TCL1B: variants seen among roughly 807,000 people sequenced by gnomAD.
The protein encoded by TCL1B is T-cell leukemia/lymphoma protein 1B.
TCL1B carries 14 observed loss-of-function variants against 16.9 expected under a neutral mutation model. The ratio of observed to expected loss-of-function variants is 0.83; its 90% CI spans 0.55 to 1.30. The LOEUF is 1.30. Among genes scored for constraint, TCL1B ranks in the 50% most tolerant of loss-of-function variants. The pLI is 0.00. For synonymous variants in TCL1B, 79 were observed against 66.6 expected (o/e 1.19, Z -0.91); for missense variants, 166 against 165.2 (o/e 1.00, Z -0.03).
At chr14:95,687,507 C>A (rs1885786935) in intron 1 of TCL1B, among the ~76,000 whole-genome samples, 1 of 152,216 alleles carries the variant, frequency 6.6e-6, no homozygotes, top group South Asian at 2.1e-4. Flanking sequence ...CACATCACTT[C>A]AAGCTCTGCT....
At position 95,691,228 on chromosome 14, in the gene TCL1B, C is replaced by T. The variant is rs185848692; in HGVS notation, c.334-40C>T. ...CGGCCGTTAAGGCCAACTGGAAGAG[C>T]ATCTCCCAGAGGTTCTGATGGCTGC... On this transcript the variant is annotated intron_variant, in intron 2 of 3. Coordinates refer to ENST00000340722, the MANE Select transcript of TCL1B (RefSeq NM_004918.4). 308 of 1,602,304 alleles carry T rather than the reference C, an allele frequency of 1.9e-4. No individual in the cohort carries two copies. The Middle Eastern group carries it at 2.4e-3, about 12-fold the overall frequency.
At chr14:95,688,324 C>G (rs1885806299) in intron 1 of TCL1B, 1 of 152,044 alleles carries the variant, frequency 6.6e-6, no homozygotes, top group African/African-American at 2.4e-5. Flanking sequence ...CAATATAACA[C>G]ATTTCCTAAA....
chr14:95,686,656 G>A, intron 1 of TCL1B, 27 bp downstream of exon 1: 1 of 1,586,302 alleles, frequency 6.3e-7, no homozygotes, highest in Non-Finnish European at 8.6e-7. Flanking sequence ...AGGGGAGGCT[G>A]TGGGGAGGGC....
At chr14:95,690,588 G>A (rs371801884) in intron 1 of TCL1B, 148 bp from the exon 2 acceptor site, 18 of 909,634 alleles carry the variant, frequency 2.0e-5, no homozygotes, top group Non-Finnish European at 2.8e-5. Flanking sequence ...CCTAGATGGA[G>A]CCACAAGTAC....
At chr14:95,691,544 A>G (rs1369862527) in intron 3 of TCL1B, 2 of 525,002 alleles carry the variant, frequency 3.8e-6, no homozygotes, top group Non-Finnish European at 6.8e-6. Context: ...AAAGCATGGG[A>G]TCTCATCGAA....
rs777673143 is a variant in TCL1B at position 95,691,337 on chromosome 14, G to A, written c.*15+1G>A. 1.2e-6 allele frequency: 2 copies of A among 1,613,092 alleles called. No individual in the cohort carries two copies. Among genetic ancestry groups the A allele is most frequent in the South Asian group, 1.1e-5 (1 of 90,818 alleles). ...GAAAGACTGACACTGGGAGTGGCTG[G>A]TATGTTGGGGCCCTGTGCGTCTCAG... On this transcript the variant is annotated splice_donor_variant, in intron 3 of 3. Transcript: ENST00000340722. LOFTEE classifies it low-confidence loss of function (3UTR_SPLICE).
chr14:95,690,735 G>A lies in TCL1B; in HGVS notation c.163-1G>A, dbSNP rs1394463979. 1.9e-6 allele frequency: 3 copies of A among 1,610,896 alleles called. No individual in the cohort carries two copies. The highest frequency in any genetic ancestry group is 1.3e-5 in the African/African-American group (1 of 74,902). The stretch of plus-strand genomic sequence containing the variant: ...TGCCGCCTCTTTTCTGGTCCCTTCA[G>A]TATGAACCCAGCATCACAGTGCACT... On this transcript the variant is annotated splice_acceptor_variant, in intron 1 of 3. Coordinates refer to ENST00000340722, the MANE Select transcript of TCL1B (RefSeq NM_004918.4). LOFTEE classifies it high-confidence loss of function.
In TCL1B at chr14:95,686,525, AG is replaced by A; in HGVS notation, c.60del (p.Arg20SerfsTer14). 6.2e-7 allele frequency: 1 copy of A among 1,613,704 alleles called. No individual in the cohort carries two copies. Among genetic ancestry groups the A allele is most frequent in the Non-Finnish European group, 8.5e-7 (1 of 1,179,816 alleles). On this transcript the variant is annotated frameshift_variant, in exon 1 of 4. Transcript: ENST00000340722. LOFTEE classifies it high-confidence loss of function. ...GVPPGRLWIQRPGIYEDEEGR... is the reference protein window; with the variant it reads ...GVPPGRLWIQXPGIYEDEEGR... ...GCCCCCTGGCCGTCTGTGGATCCAG[AG>A]GCCTGGCATCTACGAAGATGAGGAG... is the stretch of plus-strand genomic sequence containing the variant.
In TCL1B at chr14:95,689,008, C is replaced by T. The variant is rs1054077839; in HGVS notation, c.163-1728C>T. 3.9e-5 allele frequency among the ~76,000 whole-genome samples: 6 copies of T among 152,208 alleles called. No homozygotes were observed. The East Asian group carries it at 5.8e-4, about 15-fold the overall frequency. On this transcript the variant is annotated intron_variant, in intron 1 of 3. Coordinates refer to ENST00000340722, the MANE Select transcript of TCL1B (RefSeq NM_004918.4). ...AACTGTACTCTTAAAAACAGTTGGC[C>T]GGGTGCGGTGGCTCACGCCTGTAAT...
In TCL1B at chr14:95,686,539, C is replaced by A. The variant is rs1205587581; in HGVS notation, c.72C>A (p.Tyr24Ter). The change falls in exon 1 of 4, where the codon TAC becomes TAA. Residue 24 changes from tyrosine to a stop codon, truncating the protein, a stop_gained. Coordinates refer to ENST00000340722, the MANE Select transcript of TCL1B (RefSeq NM_004918.4). LOFTEE classifies it high-confidence loss of function. Reference protein sequence around the residue: ...GRLWIQRPGIYEDEEGRTWVT... With the variant: ...GRLWIQRPGI Reference sequence around the variant, plus strand: ...TGTGGATCCAGAGGCCTGGCATCTACGAAGATGAGGAGGGGAGAACCTGGG... The same window carrying A: ...TGTGGATCCAGAGGCCTGGCATCTAAGAAGATGAGGAGGGGAGAACCTGGG... 4 of 1,613,908 alleles carry A rather than the reference C, an allele frequency of 2.5e-6. No homozygotes were observed. In the South Asian group the frequency reaches 4.4e-5, roughly 18 times the overall value.
chr14:95,689,253 C>G (rs955804163), intron 1 of TCL1B: 1 of 152,114 alleles, frequency 6.6e-6, no homozygotes, highest in African/African-American at 2.4e-5. Context: ...AGCCACTGCA[C>G]TCCAGCCTGG....
intron 1 of TCL1B, among the ~76,000 whole-genome samples, chr14:95,687,530 G>A (rs1399452000): frequency 6.6e-6 from 1 of 152,144 alleles, no homozygotes; most frequent in East Asian, 1.9e-4. Context: ...TGGGAACTTT[G>A]TGGAATTTCT....
Position 95,686,443 on chromosome 14 carries a change from G to A in TCL1B, c.-25G>A, listed in dbSNP as rs1885759593. 6.4e-7 allele frequency: 1 copy of A among 1,574,078 alleles called. No individual in the cohort carries two copies. The stretch of plus-strand genomic sequence containing the variant: ...GGAAAGCTACACGTGTGAGCCTAGA[G>A]GCGGGTCCCGGTTGCAGACTTGCCA... On this transcript the variant is annotated 5_prime_UTR_variant, in exon 1 of 4. Coordinates refer to ENST00000340722, the MANE Select transcript of TCL1B (RefSeq NM_004918.4).
Position 95,691,261 on chromosome 14 carries a change from C to T in TCL1B, c.334-7C>T. 6.2e-7 allele frequency: 1 copy of T among 1,613,482 alleles called. No homozygotes were observed. The highest frequency in any genetic ancestry group is 1.7e-5 in the Admixed American group (1 of 60,000). ...AGAGGTTCTGATGGCTGCTCCCTCT[C>T]CTGCAGATTGACTCTATGGAGCAGC... is the stretch of plus-strand genomic sequence containing the variant. On this transcript the variant is annotated splice_region_variant and splice_polypyrimidine_tract_variant and intron_variant, in intron 2 of 3. Transcript: ENST00000340722.
At chr14:95,689,815 CACA>C (rs1254381955) in intron 1 of TCL1B, among the ~76,000 whole-genome samples, 1 of 152,216 alleles carries the variant, frequency 6.6e-6, no homozygotes, top group African/African-American at 2.4e-5. Flanking sequence ...AAAAATTATT[CACA>C]ACATGTCTGA....
intron 1 of TCL1B, chr14:95,689,408 T>C (rs1885836894): frequency 6.6e-6 from 1 of 152,070 alleles, no homozygotes; most frequent in African/African-American, 2.4e-5. Flanking sequence ...ACCTACTTAG[T>C]AAGTATTTTT....
At chr14:95,689,062 G>A (rs1346634619) in intron 1 of TCL1B, among the ~76,000 whole-genome samples, 4 of 152,162 alleles carry the variant, frequency 2.6e-5, no homozygotes, top group African/African-American at 7.2e-5. Context: ...CGAGGCGGGC[G>A]GATCACAAGG....
rs578182696 is a variant in TCL1B at position 95,686,429 on chromosome 14, C to T, written c.-39C>T. The stretch of plus-strand genomic sequence containing the variant: ...GAGATTGCGCAGCTGGAAAGCTACA[C>T]GTGTGAGCCTAGAGGCGGGTCCCGG... On this transcript the variant is annotated 5_prime_UTR_variant, in exon 1 of 4. In the 5' UTR this introduces an upstream ATG that the reference lacks. Transcript: ENST00000340722. 5 of 1,571,210 alleles carry T rather than the reference C, an allele frequency of 3.2e-6. No homozygotes were observed. The highest frequency in any genetic ancestry group is 2.7e-5 in the African/African-American group (2 of 73,742).
At chr14:95,687,224 A>G (rs991268239) in intron 1 of TCL1B, among the ~76,000 whole-genome samples, 4 of 152,212 alleles carry the variant, frequency 2.6e-5, no homozygotes, top group Admixed American at 2.0e-4. Context: ...GGAGTCCTAG[A>G]TTCTTTACTT....
Sources: gnomAD v4.1 joint callset for allele counts (sites outside exome capture counted in the v4.1 genomes callset) on GRCh38, gnomAD v4.1.1 for gene constraint, MANE v1.5 for transcripts, NCBI Gene and HGNC (gene_info 2026-07-23, HGNC 2026-07-21) for gene names.